The following MYO1D variants were observed in gnomAD, a reference collection of about 807,000 sequenced individuals.
MYO1D encodes the protein myosin ID.
A neutral mutation model predicts 122.0 loss-of-function variants in MYO1D; 83 were observed. That is an observed-to-expected ratio of 0.68 (90% confidence interval 0.57 to 0.82). The LOEUF (loss-of-function observed/expected upper bound fraction) is 0.82. Among genes scored for constraint, MYO1D ranks in the 40% least tolerant of loss-of-function variants. MYO1D has a pLI of 0.00. For missense variants in MYO1D, 1,157 were observed against 1,269.5 expected, an observed-to-expected ratio of 0.91 and a Z score of 1.35; for synonymous variants, 464 against 446.9, an observed-to-expected ratio of 1.04 and a Z score of -0.48.
At chr17:32,592,806 C>T (rs112828771) in intron 21 of MYO1D, among the ~76,000 whole-genome samples, 2,329 of 152,178 alleles carry the variant, frequency 0.015, 62 homozygotes, top group African/African-American at 0.051. Context: ...TGACTGGAAC[C>T]ATAAAACTAA....
At chr17:32,746,814 G>C (rs1225173382) in intron 12 of MYO1D, among the ~76,000 whole-genome samples, 1 of 152,178 alleles carries the variant, frequency 6.6e-6, no homozygotes, top group African/African-American at 2.4e-5. Flanking sequence ...TAAGAGTCTA[G>C]AAACCTAGGT....
At chr17:32,716,545 G>T (rs567407853) in intron 15 of MYO1D, among the ~76,000 whole-genome samples, 2 of 152,282 alleles carry the variant, frequency 1.3e-5, no homozygotes, top group South Asian at 4.1e-4. Context: ...TGCTAGATGG[G>T]GGCAGAGATC....
At chr17:32,690,274 C>G (rs1426530346) in intron 16 of MYO1D, among the ~76,000 whole-genome samples, 1 of 151,418 alleles carries the variant, frequency 6.6e-6, no homozygotes, top group Non-Finnish European at 1.5e-5. Flanking sequence ...CTCCCGGGCT[C>G]AAGCAATTCT....
intron 16 of MYO1D, among the ~76,000 whole-genome samples, chr17:32,664,948 C>G (rs1262540977): frequency 3.9e-5 from 6 of 152,070 alleles, no homozygotes; most frequent in Admixed American, 2.6e-4. Flanking sequence ...GACACTGTCT[C>G]CTCCCCACCT....
intron 16 of MYO1D, among the ~76,000 whole-genome samples, chr17:32,693,067 T>G (rs2150975151): frequency 6.6e-6 from 1 of 152,328 alleles, no homozygotes; most frequent in South Asian, 2.1e-4. Flanking sequence ...GTATACATCT[T>G]AACTATAAGA....
At chr17:32,623,487 C>T (rs1302692248) in intron 20 of MYO1D, among the ~76,000 whole-genome samples, 1 of 152,058 alleles carries the variant, frequency 6.6e-6, no homozygotes, top group African/African-American at 2.4e-5. Context: ...CAGAGGTCCA[C>T]TATAAGGAAT....
intron 21 of MYO1D, among the ~76,000 whole-genome samples, chr17:32,573,210 A>G (rs2087247006): frequency 6.6e-6 from 1 of 152,202 alleles, no homozygotes; most frequent in Non-Finnish European, 1.5e-5. Flanking sequence ...TCACTATTTA[A>G]ATAATGTCCC....
At chr17:32,561,507 G>C (rs1162440844) in intron 21 of MYO1D, among the ~76,000 whole-genome samples, 2 of 151,822 alleles carry the variant, frequency 1.3e-5, no homozygotes, top group African/African-American at 2.4e-5. Flanking sequence ...GGCCAACATG[G>C]TGAAACCTCG....
intron 16 of MYO1D, among the ~76,000 whole-genome samples, chr17:32,703,872 C>T (rs2089276512): frequency 6.6e-6 from 1 of 152,048 alleles, no homozygotes; most frequent in Admixed American, 6.6e-5. Flanking sequence ...AAATAAGTGT[C>T]CTATTTTCTG....
At chr17:32,829,108 A>C (rs556781897) in intron 1 of MYO1D, among the ~76,000 whole-genome samples, 24 of 152,256 alleles carry the variant, frequency 1.6e-4, no homozygotes, top group Non-Finnish European at 3.5e-4. Context: ...GTAAACTACA[A>C]AACATTTGCT....
chr17:32,773,611 C>A (rs1172099554), intron 4 of MYO1D, among the ~76,000 whole-genome samples: 1 of 150,978 alleles, frequency 6.6e-6, no homozygotes, highest in Non-Finnish European at 1.5e-5. Context: ...CAACCTTCCA[C>A]CCTCCATTCC....
chr17:32,874,950 T>G (rs1290099140), intron 1 of MYO1D, among the ~76,000 whole-genome samples: 2 of 152,160 alleles, frequency 1.3e-5, no homozygotes, highest in Non-Finnish European at 2.9e-5. Context: ...CCACAAGAGT[T>G]TTAATTCTAT....
Position 32,757,569 on chromosome 17 carries a change from GA to G in MYO1D, c.1297-1908del, listed in dbSNP as rs996405383. 2.4e-3 allele frequency among the ~76,000 whole-genome samples: 365 copies of G among 151,592 alleles called. 4 individuals carry two copies. The highest frequency in any genetic ancestry group is 7.3e-3 in the African/African-American group (302 of 41,368). Reference sequence around the variant, plus strand: ...GGGAGAAAAGTTATTTCCATCTTTGGAAAAAAAATCCTAAAAATACTCAAAA... The same window carrying G: ...GGGAGAAAAGTTATTTCCATCTTTGGAAAAAAATCCTAAAAATACTCAAAA... On this transcript the variant is annotated intron_variant, in intron 10 of 21. Transcript: ENST00000318217.
chr17:32,737,652 TA>T (rs2089721059), intron 14 of MYO1D, among the ~76,000 whole-genome samples: 1 of 152,208 alleles, frequency 6.6e-6, no homozygotes, highest in African/African-American at 2.4e-5. Flanking sequence ...GCTAATTTTT[TA>T]ACTTTTTGCA....
At chr17:32,741,012 T>C (rs917438453) in intron 13 of MYO1D, among the ~76,000 whole-genome samples, 1 of 151,978 alleles carries the variant, frequency 6.6e-6, no homozygotes. Context: ...CATGCATGCA[T>C]ACATGTGTGT....
intron 21 of MYO1D, chr17:32,498,113 G>A (rs528315751): frequency 2.6e-5 from 4 of 152,416 alleles, no homozygotes; most frequent in East Asian, 3.9e-4. Flanking sequence ...GCAGAGACTC[G>A]CCTGAGTGCT....
chr17:32,809,445 T>TC (rs2090550073), intron 1 of MYO1D, among the ~76,000 whole-genome samples: 1 of 150,940 alleles, frequency 6.6e-6, no homozygotes, highest in African/African-American at 2.4e-5. Flanking sequence ...TTTTTTTTTT[T>TC]TTTCTTTTTC....
chr17:32,697,049 T>C (rs140124802), intron 16 of MYO1D, among the ~76,000 whole-genome samples: 1 of 152,306 alleles, frequency 6.6e-6, no homozygotes, highest in African/African-American at 2.4e-5. Flanking sequence ...GAAAGTGTCC[T>C]CTCCCCAGCT....
At chr17:32,754,365 C>T (rs1205529695) in intron 11 of MYO1D, among the ~76,000 whole-genome samples, 2 of 152,174 alleles carry the variant, frequency 1.3e-5, no homozygotes, top group Non-Finnish European at 2.9e-5. Context: ...ATGACTGAAG[C>T]AGTACCTCTA....
Sources: allele counts gnomAD v4.1 joint callset (sites outside exome capture counted in the v4.1 genomes callset), GRCh38; gene constraint gnomAD v4.1.1; transcripts MANE v1.5; gene names NCBI Gene and HGNC (gene_info 2026-07-23, HGNC 2026-07-21).